The following RASGEF1C variants were observed in gnomAD, a reference collection of about 807,000 sequenced individuals.
RASGEF1C encodes the protein RasGEF domain family member 1C, also known as ras-GEF domain-containing family member 1C.
In RASGEF1C, 27 loss-of-function variants were observed where a neutral mutation model predicts 58.1. The observed-to-expected ratio is 0.46, with a 90% confidence interval of 0.34 to 0.64. The LOEUF (loss-of-function observed/expected upper bound fraction) is 0.64, where lower values mean the gene tolerates loss of function less well. Ranked by LOEUF, RASGEF1C falls within the 30% of genes least tolerant of loss-of-function variation. RASGEF1C has a pLI of 0.01. For missense variants in RASGEF1C, 502 were observed against 605.1 expected (o/e 0.83, Z 1.79); for synonymous variants, 243 against 246.3 (o/e 0.99, Z 0.13).
intron 1 of RASGEF1C, among the ~76,000 whole-genome samples, chr5:180,171,718 A>G (rs882701): frequency 0.16 from 24,647 of 152,236 alleles, 2,170 homozygotes; most frequent in African/African-American, 0.2. Flanking sequence ...CCTCCTGACA[A>G]ACACCCTTCG....
intron 4 of RASGEF1C, among the ~76,000 whole-genome samples, chr5:180,131,442 A>T (rs1766367857): frequency 6.6e-6 from 1 of 151,408 alleles, no homozygotes; most frequent in Non-Finnish European, 1.5e-5. Flanking sequence ...CATCCACTGG[A>T]CCGAAGCTCA....
At position 180,120,557 on chromosome 5, in the gene RASGEF1C, T is replaced by C. The variant is rs116535693; in HGVS notation, c.804+503A>G. 2.5e-3 allele frequency among the ~76,000 whole-genome samples: 373 copies of C among 152,130 alleles called. 2 individuals are homozygous for C. The highest frequency in any genetic ancestry group is 8.4e-3 in the African/African-American group (348 of 41,506). Reference sequence around the variant, plus strand: ...CCTCTGCTGCAAGGAGGAGGACGGGTGGGTGTGGCCAGGCGGGACCGCGAC... The same window carrying C: ...CCTCTGCTGCAAGGAGGAGGACGGGCGGGTGTGGCCAGGCGGGACCGCGAC... On this transcript the variant is annotated intron_variant, in intron 7 of 13. Transcript: ENST00000361132.
intron 1 of RASGEF1C, among the ~76,000 whole-genome samples, chr5:180,167,159 T>G (rs961942780): frequency 1.3e-5 from 2 of 152,166 alleles, no homozygotes; most frequent in African/African-American, 4.8e-5. Context: ...ATGCTTTTTT[T>G]CTGTGCCGCA....
chr5:180,110,144 A>T (rs1765934487), intron 12 of RASGEF1C, among the ~76,000 whole-genome samples: 1 of 151,836 alleles, frequency 6.6e-6, no homozygotes, highest in South Asian at 2.1e-4. Context: ...TTCTCACATC[A>T]CCCCGCTTTC....
Position 180,128,566 on chromosome 5 carries a change from C to T in RASGEF1C, c.483G>A (p.Gln161=). Residue 161 remains glutamine, a synonymous_variant, in exon 5 of 14, where the codon CAG becomes CAA. Transcript: ENST00000361132. The part of the protein sequence containing the change: ...RMHQLLQALH[Q]KLAALRQGPE... ...GCCCCTGGCGCAGAGCCGCCAGCTT[C>T]TGGTGCAGAGCCTGTAGGAGCTGAT... The T allele has an allele frequency of 6.2e-7, 1 of 1,614,128 alleles. No homozygotes were observed.
At chr5:180,151,513 A>G (rs1284990881) in intron 1 of RASGEF1C, among the ~76,000 whole-genome samples, 2 of 152,238 alleles carry the variant, frequency 1.3e-5, no homozygotes, top group African/African-American at 2.4e-5. Context: ...CTGGCTAGCC[A>G]TATGTAGAAA....
intron 12 of RASGEF1C, among the ~76,000 whole-genome samples, chr5:180,107,601 T>C (rs925162901): frequency 2.0e-5 from 3 of 152,124 alleles, no homozygotes; most frequent in African/African-American, 7.2e-5. Context: ...AAAAAAAAAT[T>C]TATTTTTTAA....
At chr5:180,181,129 C>A (rs1581123464) in intron 1 of RASGEF1C, among the ~76,000 whole-genome samples, 1 of 152,354 alleles carries the variant, frequency 6.6e-6, no homozygotes. Flanking sequence ...CTGCCCCTCC[C>A]ATCACTGGCA....
chr5:180,199,670 C>T (rs1301423123), intron 1 of RASGEF1C, among the ~76,000 whole-genome samples: 1 of 147,748 alleles, frequency 6.8e-6, no homozygotes, highest in Non-Finnish European at 1.5e-5. Context: ...CTCCCTCTCT[C>T]CCTCCCTTCC....
intron 1 of RASGEF1C, among the ~76,000 whole-genome samples, chr5:180,163,561 T>C (rs927860258): frequency 6.6e-6 from 1 of 152,164 alleles, no homozygotes; most frequent in Non-Finnish European, 1.5e-5. Context: ...GTTAGTGTGA[T>C]AGATTATATT....
At chr5:180,169,879 G>C (rs1056617804) in intron 1 of RASGEF1C, among the ~76,000 whole-genome samples, 6 of 148,472 alleles carry the variant, frequency 4.0e-5, no homozygotes, top group African/African-American at 1.5e-4. Context: ...TCCCGCCCTG[G>C]GGCTGCGTGT....
intron 1 of RASGEF1C, among the ~76,000 whole-genome samples, chr5:180,181,570 G>C (rs752830721): frequency 1.3e-5 from 2 of 152,178 alleles, no homozygotes; most frequent in Non-Finnish European, 2.9e-5. Flanking sequence ...TGACACTGAG[G>C]GCAGAGACTG....
At chr5:180,113,096 T>C (rs111163387) in intron 11 of RASGEF1C, among the ~76,000 whole-genome samples, 13,570 of 31,620 alleles carry the variant, frequency 0.43, 4,325 homozygotes, top group African/African-American at 0.54. Flanking sequence ...ACAGAGGGAC[T>C]GGGGATGGAC....
Position 180,119,394 on chromosome 5 carries a change from G to C in RASGEF1C, c.859C>G (p.Arg287Gly), listed in dbSNP as rs372421247. The change falls in exon 8 of 14, where the codon CGC becomes GGC. Residue 287 changes from arginine (R) to glycine (G), a missense_variant. Arg to Gly is a moderately radical substitution (Grantham distance 125). Transcript: ENST00000361132. Reference sequence around the variant, plus strand: ...AAGTTGCCGATGTTGAAGCACTCGCGGGCCACGTCGATGAAGAACTCAATC... The same window carrying C: ...AAGTTGCCGATGTTGAAGCACTCGCCGGCCACGTCGATGAAGAACTCAATC... ...QVIEFFIDVA[R>G]ECFNIGNFNS... 1 of 1,614,128 alleles carries C rather than the reference G, an allele frequency of 6.2e-7. No homozygotes were observed. Among genetic ancestry groups the C allele is most frequent in the Non-Finnish European group, 8.5e-7 (1 of 1,179,978 alleles).
chr5:180,112,840 T>C (rs1463638310), intron 11 of RASGEF1C, among the ~76,000 whole-genome samples: 2 of 151,704 alleles, frequency 1.3e-5, no homozygotes, highest in African/African-American at 2.4e-5. Context: ...TGAGGATGGA[T>C]GGAGGGACCA....
chr5:180,130,104 C>T (rs1386788826), intron 4 of RASGEF1C, among the ~76,000 whole-genome samples: 1 of 152,216 alleles, frequency 6.6e-6, no homozygotes, highest in African/African-American at 2.4e-5. Context: ...GGCGGCAGCA[C>T]AGACCTTGCA....
At chr5:180,122,740 T>TAAA (rs35004526) in intron 6 of RASGEF1C, among the ~76,000 whole-genome samples, 6 of 115,920 alleles carry the variant, frequency 5.2e-5, no homozygotes, top group East Asian at 2.4e-4. Context: ...AAACTTCATC[T>TAAA]AAAAAAAAAA....
chr5:180,118,564 G>T (rs1291011083), intron 10 of RASGEF1C, 45 bp downstream of exon 10: 3 of 1,524,228 alleles, frequency 2.0e-6, no homozygotes, highest in African/African-American at 2.8e-5. Flanking sequence ...CCAGCACCCA[G>T]GTTCCCTGCT....
At chr5:180,106,570 A>G (rs1056267436) in intron 12 of RASGEF1C, among the ~76,000 whole-genome samples, 6 of 152,206 alleles carry the variant, frequency 3.9e-5, no homozygotes, top group African/African-American at 1.4e-4. Context: ...AAATGTTTCA[A>G]GAGTTTTCTG....
Sources: allele counts gnomAD v4.1 joint callset (sites outside exome capture counted in the v4.1 genomes callset), GRCh38; gene constraint gnomAD v4.1.1; transcripts MANE v1.5; gene names NCBI Gene and HGNC (gene_info 2026-07-23, HGNC 2026-07-21).